WDR20: variants seen among roughly 807,000 people sequenced by gnomAD.
WDR20 encodes WD repeat domain 20.
A neutral mutation model predicts 38.7 loss-of-function variants in WDR20; 3 were observed. That is an observed-to-expected ratio of 0.08 (90% CI 0.04 to 0.20). WDR20 has a LOEUF of 0.20. WDR20 is among the 10% of genes least tolerant of loss of function. The pLI, the probability that WDR20 is intolerant of heterozygous loss-of-function variation, is 1.00. For synonymous variants in WDR20, 298 were observed against 285.6 expected (o/e 1.04, Z -0.44); for missense variants, 559 against 727.7 (o/e 0.77, Z 2.67).
intron 1 of WDR20, among the ~76,000 whole-genome samples, chr14:102,173,933 A>G (rs2061522918): frequency 2.6e-5 from 4 of 151,604 alleles, no homozygotes; most frequent in Admixed American, 6.6e-5. Context: ...AGTCTCAGCT[A>G]CTCGGGAGGC....
At chr14:102,163,726 A>G (rs111752022) in intron 1 of WDR20, among the ~76,000 whole-genome samples, 36 of 151,674 alleles carry the variant, frequency 2.4e-4, no homozygotes, top group African/African-American at 6.3e-4. Context: ...ATGTTGTTAG[A>G]ATTCTTTTGG....
intron 1 of WDR20, among the ~76,000 whole-genome samples, chr14:102,146,683 CT>C (rs1316375957): frequency 3.9e-5 from 6 of 152,096 alleles, no homozygotes; most frequent in Non-Finnish European, 8.8e-5. Flanking sequence ...GGAATTCCTG[CT>C]TTGTGTGGGA....
chr14:102,188,641 G>A (rs1366310817), intron 1 of WDR20, among the ~76,000 whole-genome samples: 1 of 151,988 alleles, frequency 6.6e-6, no homozygotes, highest in African/African-American at 2.4e-5. Flanking sequence ...GCTGAGATGT[G>A]AGGGTTCTTG....
intron 1 of WDR20, among the ~76,000 whole-genome samples, chr14:102,169,433 G>C (rs2060398581): frequency 6.6e-6 from 1 of 152,200 alleles, no homozygotes; most frequent in South Asian, 2.1e-4. Context: ...CAAGAGGAGG[G>C]CTTTATCTGT....
chr14:102,157,086 AC>A (rs2057595199), intron 1 of WDR20, among the ~76,000 whole-genome samples: 3 of 151,738 alleles, frequency 2.0e-5, no homozygotes, highest in South Asian at 4.2e-4. Flanking sequence ...ACACTGTGAG[AC>A]CCCCATCTCT....
chr14:102,206,229 C>T (rs2061514503), intron 2 of WDR20, among the ~76,000 whole-genome samples: 1 of 152,190 alleles, frequency 6.6e-6, no homozygotes, highest in African/African-American at 2.4e-5. Flanking sequence ...TAAAGTGATC[C>T]ACCCTCCTCG....
Position 102,209,934 on chromosome 14 carries a change from G to A in WDR20, c.*54G>A. The A allele has an allele frequency of 6.6e-7, 1 of 1,525,820 alleles. No homozygotes were observed. The highest frequency in any genetic ancestry group is 8.7e-7 in the Non-Finnish European group (1 of 1,142,982). 94.5% of individuals were successfully genotyped at this position (1,525,820 alleles called of 1,614,324 possible). A position where few individuals can be genotyped will look rare whatever the true frequency, so the allele number is the denominator to read the frequency against. ...GTAGTGACTTTTTTCTTTTTCGTGG[G>A]AGGGGTGGGGTGTACAATGAATGTG... On this transcript the variant is annotated 3_prime_UTR_variant, in exon 3 of 3. Transcript: ENST00000342702. The surrounding 1 kb of genome is among the most constrained non-coding windows in gnomAD (Gnocchi z 6.0).
intron 1 of WDR20, among the ~76,000 whole-genome samples, chr14:102,188,425 GGGCT>G (rs1446121293): frequency 6.6e-6 from 1 of 152,192 alleles, no homozygotes; most frequent in African/African-American, 2.4e-5. Flanking sequence ...TGGGCAGGCA[GGGCT>G]ATGGTGAAGG....
chr14:102,184,564 C>A (rs1370223621), intron 1 of WDR20, among the ~76,000 whole-genome samples: 1 of 152,090 alleles, frequency 6.6e-6, no homozygotes, highest in Admixed American at 6.6e-5. Flanking sequence ...TGGCCACCCT[C>A]TCCCCACCCG....
Position 102,209,672 on chromosome 14 carries a change from C to T in WDR20, c.1502C>T (p.Thr501Ile). Residue 501 changes from threonine to isoleucine, a missense_variant, in exon 3 of 3, where the codon ACC becomes ATC. Physicochemically the swap from Thr to Ile is moderately conservative, Grantham distance 89. Transcript: ENST00000342702. This position sits in a 1 kb window ranked among gnomAD's most constrained non-coding sequence, Gnocchi z 6.0. Reference sequence around the variant, plus strand: ...GACAAACTGAATCTAGTTACCAAAACCAAAACGGACCCTGCTAAAACTCTG... The same window carrying T: ...GACAAACTGAATCTAGTTACCAAAATCAAAACGGACCCTGCTAAAACTCTG... ...SSDKLNLVTK[T>I]KTDPAKTLGT... 2 of 1,614,126 alleles carry T rather than the reference C, an allele frequency of 1.2e-6. No homozygotes were observed. The highest frequency in any genetic ancestry group is 1.7e-6 in the Non-Finnish European group (2 of 1,180,028).
intron 1 of WDR20, among the ~76,000 whole-genome samples, chr14:102,148,506 C>T (rs2054472405): frequency 6.7e-6 from 1 of 149,888 alleles, no homozygotes; most frequent in African/African-American, 2.5e-5. Context: ...TGCCACTGGA[C>T]TCCAGCCTGG....
At chr14:102,224,458 A>G (rs539309906), downstream of WDR20, 12 of 403,570 alleles carry the variant, frequency 3.0e-5, no homozygotes, top group African/African-American at 2.5e-4. Context: ...ACCAAGCAGA[A>G]GAATGTTTAT....
At chr14:102,196,502 G>T (rs375079666) in intron 2 of WDR20, among the ~76,000 whole-genome samples, 121 of 152,226 alleles carry the variant, frequency 7.9e-4, no homozygotes, top group African/African-American at 2.7e-3. Context: ...ATCATTGTGG[G>T]TTTTTATTGT....
At chr14:102,219,877 T>C (rs1329453762), downstream of WDR20, among the ~76,000 whole-genome samples, 8 of 152,208 alleles carry the variant, frequency 5.3e-5, no homozygotes, top group Admixed American at 4.6e-4. Context: ...GGGCGGTTGA[T>C]TCAAGATCTC....
In WDR20 at chr14:102,220,451, C is replaced by T. The variant is rs374218525; in HGVS notation, c.1693-2379C>T. ...TTAAAATATTAAAATTGGCCAGGTG[C>T]GGTGGCTCACGCCTGTAATCCCAGC... On this transcript the variant is annotated intron_variant, in intron 3 of 3. Coordinates refer to the WDR20 transcript ENST00000335263. The surrounding 1 kb of genome is among the most constrained non-coding windows in gnomAD (Gnocchi z 4.2). Among the ~76,000 whole-genome samples the T allele has an allele frequency of 3.2e-4, 48 of 152,310 alleles. 1 individual carries two copies. The Middle Eastern group carries it at 0.014, about 43-fold the overall frequency.
intron 1 of WDR20, among the ~76,000 whole-genome samples, chr14:102,188,648 C>G (rs1407031035): frequency 6.6e-6 from 1 of 151,218 alleles, no homozygotes; most frequent in Non-Finnish European, 1.5e-5. Flanking sequence ...TGTGAGGGTT[C>G]TTGGAGCCTA....
downstream of WDR20, chr14:102,213,329 T>G (rs1230765618): frequency 6.1e-6 from 6 of 985,348 alleles, no homozygotes; most frequent in Non-Finnish European, 7.2e-6. Flanking sequence ...GAGTAGACAC[T>G]TTACAAATAA....
At chr14:102,198,895 C>T (rs1293667498) in intron 2 of WDR20, among the ~76,000 whole-genome samples, 2 of 152,208 alleles carry the variant, frequency 1.3e-5, no homozygotes, top group East Asian at 3.9e-4. Context: ...TCTGTACTTG[C>T]TAAGTTCGAG....
In WDR20 at chr14:102,221,151, C is replaced by A. The variant is rs534573945; in HGVS notation, c.1693-1679C>A. Among the ~76,000 whole-genome samples the A allele has an allele frequency of 1.3e-5, 2 of 152,310 alleles. No individual in the cohort carries two copies. The highest frequency in any genetic ancestry group is 4.8e-5 in the African/African-American group (2 of 41,566). On this transcript the variant is annotated intron_variant, in intron 3 of 3. Transcript: ENST00000335263. The surrounding 1 kb of genome is among the most constrained non-coding windows in gnomAD (Gnocchi z 4.8). ...GCTGCCTCCTACCTGGAGCAGCACT[C>A]ACCTCCACCTGGCACTCCGTGAAAG...
Sources: gnomAD v4.1 joint callset for allele counts (sites outside exome capture counted in the v4.1 genomes callset) on GRCh38, gnomAD v4.1.1 for gene constraint, Gnocchi (gnomAD v3.1) non-coding constraint, MANE v1.5 for transcripts, NCBI Gene and HGNC (gene_info 2026-07-23, HGNC 2026-07-21) for gene names.